The following PRKG1 variants were observed in gnomAD, a reference collection of about 807,000 sequenced individuals.
PRKG1 encodes the protein cGMP-dependent protein kinase 1.
A neutral mutation model predicts 88.1 loss-of-function variants in PRKG1; 35 were observed. The observed-to-expected ratio is 0.40, with a 90% CI of 0.30 to 0.53. PRKG1 has a LOEUF of 0.53. Ranked by LOEUF, PRKG1 falls within the 20% of genes least tolerant of loss-of-function variation. The pLI, the probability that PRKG1 is intolerant of heterozygous loss-of-function variation, is 0.59. For synonymous variants in PRKG1, 303 were observed against 292.5 expected (o/e 1.04, Z -0.37); for missense variants, 540 against 839.8 (o/e 0.64, Z 4.41).
At chr10:52,049,477 A>AT (rs1236393242) in intron 5 of PRKG1, among the ~76,000 whole-genome samples, 4 of 152,186 alleles carry the variant, frequency 2.6e-5, no homozygotes, top group Admixed American at 6.5e-5. Context: ...ATTGTTTATG[A>AT]TTTTACTTGT....
chr10:51,244,822 A>G (rs1839246551), intron 2 of PRKG1: 1 of 151,604 alleles, frequency 6.6e-6, no homozygotes, highest in Non-Finnish European at 1.5e-5. Flanking sequence ...TGAGCTCCTC[A>G]GCTGCTTGAG....
intron 3 of PRKG1, among the ~76,000 whole-genome samples, chr10:51,524,888 T>A (rs1169615944): frequency 6.6e-6 from 1 of 152,252 alleles, no homozygotes; most frequent in East Asian, 1.9e-4. Context: ...CATTAACTTT[T>A]GTTTTCCAAT....
intron 2 of PRKG1, among the ~76,000 whole-genome samples, chr10:51,282,364 T>TAG (rs1311562422): frequency 1.3e-5 from 2 of 151,982 alleles, no homozygotes; most frequent in African/African-American, 4.8e-5. Flanking sequence ...GTTATATATA[T>TAG]ATATAGAGAG....
At chr10:51,455,556 T>A (rs1418184522) in intron 2 of PRKG1, among the ~76,000 whole-genome samples, 1 of 152,248 alleles carries the variant, frequency 6.6e-6, no homozygotes. Flanking sequence ...TATAAATTTC[T>A]TCTGCCAGAT....
At chr10:51,658,098 A>C (rs1840206682) in intron 3 of PRKG1, among the ~76,000 whole-genome samples, 1 of 152,158 alleles carries the variant, frequency 6.6e-6, no homozygotes, top group South Asian at 2.1e-4. Context: ...AGATCCTTGG[A>C]AGCAGGAAAT....
At chr10:51,886,449 T>C (rs1479118323) in intron 4 of PRKG1, among the ~76,000 whole-genome samples, 1 of 152,204 alleles carries the variant, frequency 6.6e-6, no homozygotes, top group Non-Finnish European at 1.5e-5. Flanking sequence ...CCCAGATATT[T>C]AGGGCCAGCA....
chr10:51,399,929 G>C (rs181092215), intron 2 of PRKG1, among the ~76,000 whole-genome samples: 2 of 152,148 alleles, frequency 1.3e-5, no homozygotes, highest in Non-Finnish European at 2.9e-5. Flanking sequence ...GATCCACAGC[G>C]TAATTTTGGC....
At chr10:52,054,198 A>G (rs1353178044) in intron 5 of PRKG1, among the ~76,000 whole-genome samples, 1 of 152,246 alleles carries the variant, frequency 6.6e-6, no homozygotes, top group Non-Finnish European at 1.5e-5. Context: ...ATAGCACACC[A>G]GCATGGCACA....
At chr10:51,466,858 C>T (rs1314043160) in intron 2 of PRKG1, among the ~76,000 whole-genome samples, 1 of 152,032 alleles carries the variant, frequency 6.6e-6, no homozygotes, top group African/African-American at 2.4e-5. Flanking sequence ...TTAAGCTTCT[C>T]TTCTGTAGAC....
At chr10:52,174,343 G>A (rs960276381) in intron 9 of PRKG1, among the ~76,000 whole-genome samples, 1 of 151,528 alleles carries the variant, frequency 6.6e-6, no homozygotes, top group African/African-American at 2.4e-5. Flanking sequence ...TTTTTTGAGT[G>A]ACAGCAACAG....
At chr10:51,413,592 C>T (rs1463771104) in intron 2 of PRKG1, among the ~76,000 whole-genome samples, 1 of 152,094 alleles carries the variant, frequency 6.6e-6, no homozygotes, top group Non-Finnish European at 1.5e-5. Flanking sequence ...AACTCCTGAC[C>T]TCGTGATCAG....
At chr10:51,262,707 C>T (rs990035834) in intron 2 of PRKG1, among the ~76,000 whole-genome samples, 4 of 152,044 alleles carry the variant, frequency 2.6e-5, no homozygotes, top group South Asian at 2.1e-4. Context: ...CGGAAACTTA[C>T]GATCATGGCA....
chr10:52,105,912 C>A (rs1847409620), intron 7 of PRKG1, among the ~76,000 whole-genome samples: 1 of 151,752 alleles, frequency 6.6e-6, no homozygotes, highest in Admixed American at 6.6e-5. Context: ...TTTTGGTGCA[C>A]CCATCACTCA....
At chr10:52,114,441 T>C (rs983652625) in intron 7 of PRKG1, among the ~76,000 whole-genome samples, 2 of 152,052 alleles carry the variant, frequency 1.3e-5, no homozygotes, top group Non-Finnish European at 2.9e-5. Context: ...CATATTTTAG[T>C]TCTTTTCGTT....
chr10:52,131,816 CAAAAAAAAAA>C (rs71459439), intron 7 of PRKG1, among the ~76,000 whole-genome samples: 24 of 44,080 alleles, frequency 5.4e-4, no homozygotes, highest in Admixed American at 2.8e-3. Flanking sequence ...GAAACTCCAT[CAAAAAAAAAA>C]AAAAAAAAAA....
chr10:51,436,180 T>G (rs936507015), intron 2 of PRKG1, among the ~76,000 whole-genome samples: 6 of 151,818 alleles, frequency 4.0e-5, no homozygotes, highest in Non-Finnish European at 8.8e-5. Flanking sequence ...AAGTTGTTTT[T>G]TTTTTTTTTT....
chr10:51,670,440 A>G (rs1407233537), intron 3 of PRKG1, among the ~76,000 whole-genome samples: 1 of 151,068 alleles, frequency 6.6e-6, no homozygotes, highest in Non-Finnish European at 1.5e-5. Flanking sequence ...GTTAACATTT[A>G]AAAATGCAAG....
At position 51,924,707 on chromosome 10, in the gene PRKG1, C is replaced by T. The variant is rs75281469; in HGVS notation, c.762+17137C>T. Among the ~76,000 whole-genome samples, 878 of 130,570 alleles carry T rather than the reference C, an allele frequency of 6.7e-3. 23 individuals carry two copies. In the East Asian group the frequency reaches 0.087, roughly 13 times the overall value. 85.7% of individuals were successfully genotyped at this position (130,570 alleles called of 152,430 possible). A position where few individuals can be genotyped will look rare whatever the true frequency, so the allele number is the denominator to read the frequency against. On this transcript the variant is annotated intron_variant, in intron 5 of 17. Coordinates refer to ENST00000373980, the MANE Select transcript of PRKG1 (RefSeq NM_006258.4). ...TCTTTTGGAATTGTCCCTCAGTTCT[C>T]GAATATTCTTTTTTTTTTTTTGTCA...
chr10:51,516,355 C>T (rs189607256), intron 3 of PRKG1, among the ~76,000 whole-genome samples: 1 of 152,156 alleles, frequency 6.6e-6, no homozygotes, highest in East Asian at 1.9e-4. Context: ...TCTACTGAAC[C>T]TGCAGTCTTT....
Sources: allele counts gnomAD v4.1 joint callset (sites outside exome capture counted in the v4.1 genomes callset), GRCh38; gene constraint gnomAD v4.1.1; transcripts MANE v1.5; gene names NCBI Gene and HGNC (gene_info 2026-07-23, HGNC 2026-07-21).